SCOC: variants seen among roughly 807,000 people sequenced by gnomAD.
SCOC encodes the protein short coiled-coil protein, also known as short coiled coil protein.
SCOC carries 7 observed loss-of-function variants against 9.9 expected under a neutral mutation model. The ratio of observed to expected loss-of-function variants is 0.71; its 90% CI spans 0.40 to 1.33. SCOC has a LOEUF of 1.33. Among genes scored for constraint, SCOC ranks in the 40% most tolerant of loss-of-function variants. The pLI is 0.01. For synonymous variants in SCOC, 19 were observed against 28.2 expected (o/e 0.67, Z 1.03); for missense variants, 66 against 89.7 (o/e 0.74, Z 1.07).
At chr4:140,264,752 C>T (rs1469726449) in intron 1 of SCOC, among the ~76,000 whole-genome samples, 5 of 152,186 alleles carry the variant, frequency 3.3e-5, no homozygotes, top group African/African-American at 1.2e-4. Flanking sequence ...TAGAATCTAA[C>T]TCAGTTTTAA....
chr4:140,344,905 A>AT (rs1578833214), intron 2 of SCOC, among the ~76,000 whole-genome samples: 1 of 151,972 alleles, frequency 6.6e-6, no homozygotes, highest in Admixed American at 6.6e-5. Context: ...TCAGCCCAGA[A>AT]TTTTTTTCTG....
intron 3 of SCOC, among the ~76,000 whole-genome samples, chr4:140,380,224 G>A (rs1413448766): frequency 1.5e-5 from 2 of 129,330 alleles, no homozygotes; most frequent in African/African-American, 5.9e-5. Flanking sequence ...TTGAGATGGA[G>A]TTCACTCTTG....
intron 1 of SCOC, among the ~76,000 whole-genome samples, chr4:140,316,568 C>T (rs139054573): frequency 6.6e-6 from 1 of 152,254 alleles, no homozygotes; most frequent in African/African-American, 2.4e-5. Flanking sequence ...GAGGTGAACA[C>T]AGATTCTCAG....
chr4:140,347,639 C>A lies in SCOC; in HGVS notation c.70+3931C>A, dbSNP rs72939820. On this transcript the variant is annotated intron_variant, in intron 2 of 4. Coordinates refer to the SCOC transcript ENST00000338517. ...TACTCCTAGTTCCATTCTCACCGCC[C>A]GTTGCTATATCCCAGCGACTCTAAA... 1.3e-3 allele frequency among the ~76,000 whole-genome samples: 197 copies of A among 152,248 alleles called. 1 individual carries two copies. Among genetic ancestry groups the A allele is most frequent in the African/African-American group, 4.6e-3 (191 of 41,538 alleles).
chr4:140,312,087 C>A (rs547958645), intron 1 of SCOC, among the ~76,000 whole-genome samples: 2 of 152,288 alleles, frequency 1.3e-5, no homozygotes, highest in South Asian at 4.1e-4. Context: ...AATACGACTT[C>A]TATTGCTTTC....
At chr4:140,296,787 C>A (rs890576162) in intron 1 of SCOC, among the ~76,000 whole-genome samples, 4 of 151,906 alleles carry the variant, frequency 2.6e-5, no homozygotes, top group Non-Finnish European at 5.9e-5. Context: ...AAAAAAAAAA[C>A]CTAATAATTC....
At position 140,315,712 on chromosome 4, in the gene SCOC, T is replaced by C. The variant is rs556544743; in HGVS notation, c.-18-27909T>C. Among the ~76,000 whole-genome samples, 42 of 152,292 alleles carry C rather than the reference T, an allele frequency of 2.8e-4. 1 individual carries two copies. The South Asian group carries it at 7.1e-3, about 26-fold the overall frequency. On this transcript the variant is annotated intron_variant, in intron 1 of 4. Coordinates refer to the SCOC transcript ENST00000394205. ...TGTTCCACTGAAAAATCACAAGGGA[T>C]AACCTACCACTCTCAGCTTGCTCTT...
chr4:140,347,631 T>C (rs189716809), intron 2 of SCOC, among the ~76,000 whole-genome samples: 1 of 152,262 alleles, frequency 6.6e-6, no homozygotes, highest in African/African-American at 2.4e-5. Flanking sequence ...AGTTCCATTC[T>C]CACCGCCCGT....
At chr4:140,275,991 T>G (rs1474752301) in intron 1 of SCOC, among the ~76,000 whole-genome samples, 1 of 150,992 alleles carries the variant, frequency 6.6e-6, no homozygotes, top group East Asian at 2.0e-4. Context: ...GCCCGGCTAA[T>G]TTTTGTATTT....
intron 1 of SCOC, among the ~76,000 whole-genome samples, chr4:140,287,451 A>G (rs796491464): frequency 3.7e-4 from 57 of 152,092 alleles, no homozygotes; most frequent in African/African-American, 1.3e-3. Flanking sequence ...TATACCATGT[A>G]CATACATGCT....
intron 1 of SCOC, among the ~76,000 whole-genome samples, chr4:140,295,909 C>A (rs1455732726): frequency 1.6e-5 from 2 of 124,144 alleles, no homozygotes; most frequent in African/African-American, 3.3e-5. Flanking sequence ...CCAGCCTGGG[C>A]GACAGAGCGA....
chr4:140,346,562 G>T (rs564843189), intron 2 of SCOC, among the ~76,000 whole-genome samples: 28 of 152,272 alleles, frequency 1.8e-4, no homozygotes, highest in African/African-American at 5.8e-4. Context: ...TTTGAGGAAA[G>T]GATTGAAGGC....
At chr4:140,357,486 T>C (rs898836679) in intron 2 of SCOC, among the ~76,000 whole-genome samples, 4 of 152,212 alleles carry the variant, frequency 2.6e-5, no homozygotes, top group Non-Finnish European at 4.4e-5. Flanking sequence ...GTCAGTTCCG[T>C]GTATCTGATT....
intron 2 of SCOC, 131 bp downstream of exon 2, chr4:140,379,323 TC>T (rs1728474368): frequency 5.3e-6 from 4 of 749,890 alleles, no homozygotes; most frequent in Non-Finnish European, 7.0e-6. Context: ...TTATATCTCA[TC>T]TAGTGTTAGA....
intron 1 of SCOC, among the ~76,000 whole-genome samples, chr4:140,276,983 C>A (rs1730999048): frequency 6.6e-6 from 1 of 152,146 alleles, no homozygotes; most frequent in Non-Finnish European, 1.5e-5. Flanking sequence ...TTTTAAGGAT[C>A]AATTTGCAAA....
intron 2 of SCOC, among the ~76,000 whole-genome samples, chr4:140,344,881 G>T (rs1018681872): frequency 2.6e-5 from 4 of 152,184 alleles, no homozygotes; most frequent in African/African-American, 9.7e-5. Flanking sequence ...AAGCTTGCTT[G>T]CTTAGAATGT....
upstream of SCOC, among the ~76,000 whole-genome samples, chr4:140,339,165 T>A (rs931171141): frequency 5.3e-5 from 8 of 152,160 alleles, no homozygotes; most frequent in African/African-American, 1.9e-4. Context: ...AACTATCTGA[T>A]CTTTGACAAA....
intron 2 of SCOC, among the ~76,000 whole-genome samples, chr4:140,356,024 G>A (rs1053008281): frequency 6.6e-6 from 1 of 152,236 alleles, no homozygotes; most frequent in East Asian, 1.9e-4. Context: ...GACATCTGTC[G>A]CAACACCACT....
intron 1 of SCOC, among the ~76,000 whole-genome samples, chr4:140,326,443 C>A (rs1732647961): frequency 6.6e-6 from 1 of 151,986 alleles, no homozygotes; most frequent in African/African-American, 2.4e-5. Context: ...AGAGTTAAAA[C>A]AAAAGAAAAC....
Sources: allele counts gnomAD v4.1 joint callset (sites outside exome capture counted in the v4.1 genomes callset), GRCh38; gene constraint gnomAD v4.1.1; transcripts MANE v1.5; gene names NCBI Gene and HGNC (gene_info 2026-07-23, HGNC 2026-07-21).